The following CFAP157 variants were observed in gnomAD, a reference collection of about 807,000 sequenced individuals.
CFAP157 encodes the protein cilia and flagella associated protein 157.
Under a neutral mutation model 57.8 loss-of-function variants are expected in CFAP157, and 43 were observed. The ratio of observed to expected loss-of-function variants is 0.74; its 90% CI spans 0.58 to 0.96. CFAP157 has a LOEUF of 0.96. Among genes scored for constraint, CFAP157 ranks in the 40% least tolerant of loss-of-function variants. CFAP157 has a pLI of 0.00. For synonymous variants in CFAP157, 267 were observed against 269.0 expected (o/e 0.99, Z 0.07); for missense variants, 606 against 655.3 (o/e 0.92, Z 0.82).
rs1842962697 is a variant in CFAP157 at position 127,715,720 on chromosome 9, CA to C, written c.*1816del. On this transcript the variant is annotated 3_prime_UTR_variant, in exon 9 of 9. Coordinates refer to ENST00000373295, the MANE Select transcript of CFAP157 (RefSeq NM_001012502.3). The surrounding 1 kb of genome is among the most constrained non-coding windows in gnomAD (Gnocchi z 5.8). The stretch of plus-strand genomic sequence containing the variant: ...ATCGTGTTGCCAACTGTTTGGCGTC[CA>C]CCGCCAACGTCCAATCCGGGCCGGG... 6.4e-7 allele frequency: 1 copy of C among 1,553,652 alleles called. No homozygotes were observed.
chr9:127,711,202 C>T, intron 3 of CFAP157, 27 bp from the exon 4 acceptor site: 1 of 1,609,036 alleles, frequency 6.2e-7, no homozygotes, highest in Non-Finnish European at 8.5e-7. Flanking sequence ...TCTGTCTGAC[C>T]CCTTCCCCTC....
rs1295041252 is a variant in CFAP157, at chr9:127,715,129, C to T, written c.*1224C>T. ...CCACACCCAGCCGCCGCGCCAGCTG[C>T]CCCAGCACCGCCATGCCCACGCTGT... On this transcript the variant is annotated 3_prime_UTR_variant, in exon 9 of 9. Coordinates refer to ENST00000373295, the MANE Select transcript of CFAP157 (RefSeq NM_001012502.3). The surrounding 1 kb of genome is among the most constrained non-coding windows in gnomAD (Gnocchi z 5.8). The T allele has an allele frequency of 3.9e-6, 6 of 1,536,648 alleles. No homozygotes were observed. Among genetic ancestry groups the T allele is most frequent in the Non-Finnish European group, 5.2e-6 (6 of 1,147,122 alleles).
rs374561061 is a variant in CFAP157, at chr9:127,713,106, T to C, written c.1391T>C (p.Leu464Pro). Residue 464 changes from leucine to proline, a missense_variant, in exon 8 of 9, where the codon CTG (leucine) becomes CCG (proline). By Grantham distance (98) the Leu-to-Pro change is moderately conservative. Coordinates refer to ENST00000373295, the MANE Select transcript of CFAP157 (RefSeq NM_001012502.3). Reference protein sequence around the residue: ...ITPYQPGDLGLVPRQVHIPPN... With the variant: ...ITPYQPGDLGPVPRQVHIPPN... ...CCCTACCAGCCGGGGGATCTAGGCC[T>C]GGTACCTCGCCAGGTCCACATCCCA... is the stretch of plus-strand genomic sequence containing the variant. The C allele has an allele frequency of 1.9e-6, 3 of 1,613,342 alleles. No individual in the cohort carries two copies. The highest frequency in any genetic ancestry group is 1.3e-5 in the African/African-American group (1 of 74,920).
At chr9:127,711,559 C>A in intron 4 of CFAP157, 63 bp downstream of exon 4, 1 of 1,567,558 alleles carries the variant, frequency 6.4e-7, no homozygotes, top group Non-Finnish European at 8.6e-7. Flanking sequence ...CCCTGGGGGC[C>A]CTGCAGGGGT....
Position 127,714,828 on chromosome 9 carries a change from G to C in CFAP157, c.*923G>C. The C allele has an allele frequency of 9.4e-7, 1 of 1,063,712 alleles. No homozygotes were observed. The highest frequency in any genetic ancestry group is 1.4e-6 in the Non-Finnish European group (1 of 723,492). 65.9% of individuals were successfully genotyped at this position (1,063,712 alleles called of 1,614,324 possible). A position where few individuals can be genotyped will look rare whatever the true frequency, so the allele number is the denominator to read the frequency against. The stretch of plus-strand genomic sequence containing the variant: ...TATAAAGAAACTGAGGCCCCCCGAA[G>C]TACCCAAAGCCATGCAGCAACTGGA... On this transcript the variant is annotated 3_prime_UTR_variant, in exon 9 of 9. Coordinates refer to ENST00000373295, the MANE Select transcript of CFAP157 (RefSeq NM_001012502.3).
chr9:127,713,092 G>C lies in CFAP157; in HGVS notation c.1377G>C (p.Pro459=), dbSNP rs78968934. The C allele has an allele frequency of 1.2e-6, 2 of 1,613,388 alleles. No homozygotes were observed. The highest frequency in any genetic ancestry group is 1.3e-5 in the African/African-American group (1 of 74,912). ...TCTCTGACATCACCCCCTACCAGCC[G>C]GGGGATCTAGGCCTGGTACCTCGCC... ...PQLSDITPYQ[P]GDLGLVPRQV... The change falls in exon 8 of 9, where the codon CCG becomes CCC. Residue 459 remains proline (P), a synonymous_variant. Coordinates refer to ENST00000373295, the MANE Select transcript of CFAP157 (RefSeq NM_001012502.3).
chr9:127,709,915 T>C lies in CFAP157; in HGVS notation c.433+222T>C, dbSNP rs1451841145. ...AAGTGTCGTGACCAAGGTCCCCCAG[T>C]TGGCAAGGGTTGTGAGGCTCAAATG... On this transcript the variant is annotated intron_variant, in intron 2 of 8. Transcript: ENST00000373295. The surrounding 1 kb of genome is among the most constrained non-coding windows in gnomAD (Gnocchi z 4.7). Among the ~76,000 whole-genome samples, 1 of 152,282 alleles carries C rather than the reference T, an allele frequency of 6.6e-6. No homozygotes were observed. The highest frequency in any genetic ancestry group is 3.4e-3 in the Middle Eastern group (1 of 294).
At position 127,711,464 on chromosome 9, in the gene CFAP157, G is replaced by A. The variant is rs1178506899; in HGVS notation, c.823G>A (p.Val275Ile). ...GGAGCTGCTGGAGAACACCCAGAAG[G>A]TCATGGCCAGGCACAAAAGAGGCCA... Reference protein sequence around the residue: ...QLELLENTQKVMARHKRGHQK... With the variant: ...QLELLENTQKIMARHKRGHQK... Residue 275 changes from valine (V) to isoleucine (I), a missense_variant, in exon 4 of 9, where the codon GTC (valine) becomes ATC (isoleucine). Transcript: ENST00000373295. 6.2e-7 allele frequency: 1 copy of A among 1,613,928 alleles called. No individual in the cohort carries two copies. Among genetic ancestry groups the A allele is most frequent in the Admixed American group, 1.7e-5 (1 of 60,022 alleles).
At position 127,712,361 on chromosome 9, in the gene CFAP157, G is replaced by T; in HGVS notation, c.1137+12G>T. On this transcript the variant is annotated intron_variant, in intron 6 of 8. Transcript: ENST00000373295. Reference sequence around the variant, plus strand: ...AGAACATTCTGCAGGTGAGCAGAAGGGAGAGAGGGAGGGCGCAAGGGGAGG... The same window carrying T: ...AGAACATTCTGCAGGTGAGCAGAAGTGAGAGAGGGAGGGCGCAAGGGGAGG... 1 of 1,613,224 alleles carries T rather than the reference G, an allele frequency of 6.2e-7. No individual in the cohort carries two copies. The highest frequency in any genetic ancestry group is 2.2e-5 in the East Asian group (1 of 44,870).
Position 127,709,429 on chromosome 9 carries a change from C to A in CFAP157, c.169C>A (p.Arg57=). The A allele has an allele frequency of 6.2e-7, 1 of 1,613,156 alleles. No homozygotes were observed. Among genetic ancestry groups the A allele is most frequent in the East Asian group, 2.2e-5 (1 of 44,868 alleles). ...GCTCTGCCCCTGCCCCAGGTACCAG[C>A]GGAAGTGGGATGAGCTGGCTGTGCA... The part of the protein sequence containing the change: ...DLEDRLARYQ[R]KWDELAVQEK... The change falls in exon 2 of 9, where the codon CGG becomes AGG. Residue 57 remains arginine, a synonymous_variant. Coordinates refer to ENST00000373295, the MANE Select transcript of CFAP157 (RefSeq NM_001012502.3). The surrounding 1 kb of genome is among the most constrained non-coding windows in gnomAD (Gnocchi z 4.7).
chr9:127,715,551 C>T lies in CFAP157; in HGVS notation c.*1646C>T. ...CCGCCCCACGCCACTCACCATCCACCGCTTCCCCGGGGGGCGAGGCTCCAA... is the reference window on the plus strand; with the variant it reads ...CCGCCCCACGCCACTCACCATCCACTGCTTCCCCGGGGGGCGAGGCTCCAA... On this transcript the variant is annotated 3_prime_UTR_variant, in exon 9 of 9. Transcript: ENST00000373295. The surrounding 1 kb of genome is among the most constrained non-coding windows in gnomAD (Gnocchi z 5.8). 1.2e-6 allele frequency: 2 copies of T among 1,613,516 alleles called. No individual in the cohort carries two copies. The highest frequency in any genetic ancestry group is 1.7e-6 in the Non-Finnish European group (2 of 1,180,026).
At chr9:127,707,294 G>A in intron 1 of CFAP157, 102 bp downstream of exon 1, 1 of 1,301,250 alleles carries the variant, frequency 7.7e-7, no homozygotes, top group South Asian at 1.4e-5. Flanking sequence ...CCTGTGTTCT[G>A]ACCTCCCCTG....
intron 1 of CFAP157, among the ~76,000 whole-genome samples, chr9:127,707,533 G>A (rs554808293): frequency 2.0e-5 from 3 of 152,130 alleles, no homozygotes; most frequent in Non-Finnish European, 4.4e-5. Context: ...CCTCTGGCAG[G>A]CGGGTGGACC....
chr9:127,714,228 G>C lies in CFAP157; in HGVS notation c.*323G>C, dbSNP rs568809556. ...GAGAAGCAGCCCAGCACATGGGCCTGAACCGCCTCAGGGTGCGCCGGGCGC... is the reference window on the plus strand; with the variant it reads ...GAGAAGCAGCCCAGCACATGGGCCTCAACCGCCTCAGGGTGCGCCGGGCGC... On this transcript the variant is annotated 3_prime_UTR_variant, in exon 9 of 9. Coordinates refer to ENST00000373295, the MANE Select transcript of CFAP157 (RefSeq NM_001012502.3). 8 of 1,613,968 alleles carry C rather than the reference G, an allele frequency of 5.0e-6. No individual in the cohort carries two copies. The East Asian group carries it at 1.3e-4, about 27-fold the overall frequency.
rs1327558587 is a variant in CFAP157, at chr9:127,713,961, C to G, written c.*56C>G. 1 of 1,583,262 alleles carries G rather than the reference C, an allele frequency of 6.3e-7. No homozygotes were observed. Among genetic ancestry groups the G allele is most frequent in the East Asian group, 2.2e-5 (1 of 44,712 alleles). Reference sequence around the variant, plus strand: ...GGACTGGTCCAGTCACAGTCACCCCCACTTTAATCCGCAGGCAGCCTGGAA... The same window carrying G: ...GGACTGGTCCAGTCACAGTCACCCCGACTTTAATCCGCAGGCAGCCTGGAA... On this transcript the variant is annotated 3_prime_UTR_variant, in exon 9 of 9. Transcript: ENST00000373295.
At position 127,711,398 on chromosome 9, in the gene CFAP157, G is replaced by A. The variant is rs781304068; in HGVS notation, c.757G>A (p.Glu253Lys). 6.2e-6 allele frequency: 10 copies of A among 1,614,188 alleles called. No individual in the cohort carries two copies. The highest frequency in any genetic ancestry group is 5.0e-5 in the Admixed American group (3 of 60,036). The change falls in exon 4 of 9, where the codon GAG (glutamate) becomes AAG (lysine). Residue 253 changes from glutamate to lysine, a missense_variant. Coordinates refer to ENST00000373295, the MANE Select transcript of CFAP157 (RefSeq NM_001012502.3). Reference protein sequence around the residue: ...QQGMKLLQENEQLKGRQNNLC... With the variant: ...QQGMKLLQENKQLKGRQNNLC... ...AGGCATGAAGCTGCTGCAGGAGAATGAGCAGCTCAAGGGAAGACAGAACAA... is the reference window on the plus strand; with the variant it reads ...AGGCATGAAGCTGCTGCAGGAGAATAAGCAGCTCAAGGGAAGACAGAACAA...
At chr9:127,712,446 C>A in intron 6 of CFAP157, 97 bp downstream of exon 6, 1 of 1,496,534 alleles carries the variant, frequency 6.7e-7, no homozygotes, top group Non-Finnish European at 9.0e-7. Context: ...GATCAGAGGC[C>A]CCTCTTTTCC....
chr9:127,714,344 C>A lies in CFAP157; in HGVS notation c.*439C>A, dbSNP rs747365184. ...GAGGTGCTGGGGGACCCCTGGCCCA[C>A]CCGACCCAGTTGCACAACAAAAGGG... On this transcript the variant is annotated 3_prime_UTR_variant, in exon 9 of 9. Transcript: ENST00000373295. 5.8e-5 allele frequency: 93 copies of A among 1,614,036 alleles called. No individual in the cohort carries two copies. In the Admixed American group the frequency reaches 1.4e-3, roughly 25 times the overall value.
chr9:127,715,308 G>T lies in CFAP157; in HGVS notation c.*1403G>T, dbSNP rs1419839536. ...GAAACGCAGAGCAACGCTGCAGTGG[G>T]GAAGGGGCGCGAAGAAGGGGCCCAG... On this transcript the variant is annotated 3_prime_UTR_variant, in exon 9 of 9. Coordinates refer to ENST00000373295, the MANE Select transcript of CFAP157 (RefSeq NM_001012502.3). The surrounding 1 kb of genome is among the most constrained non-coding windows in gnomAD (Gnocchi z 5.8). The T allele has an allele frequency of 1.5e-6, 2 of 1,338,460 alleles. No individual in the cohort carries two copies. Among genetic ancestry groups the T allele is most frequent in the African/African-American group, 1.4e-5 (1 of 69,226 alleles). 82.9% of individuals were successfully genotyped at this position (1,338,460 alleles called of 1,614,324 possible).
Sources: allele counts gnomAD v4.1 joint callset (sites outside exome capture counted in the v4.1 genomes callset), GRCh38; gene constraint gnomAD v4.1.1; non-coding constraint Gnocchi (gnomAD v3.1); transcripts MANE v1.5; gene names NCBI Gene and HGNC (gene_info 2026-07-23, HGNC 2026-07-21).